DOCK11: variants seen among roughly 807,000 people sequenced by gnomAD.
DOCK11 encodes the protein dedicator of cytokinesis protein 11.
A neutral mutation model predicts 169.1 loss-of-function variants in DOCK11; 70 were observed. That is an observed-to-expected ratio of 0.41 (90% CI 0.34 to 0.51). The LOEUF is 0.51. Among genes scored for constraint, DOCK11 ranks in the 20% least tolerant of loss-of-function variants. The pLI is 0.10. For synonymous variants in DOCK11, 529 were observed against 541.3 expected (o/e 0.98, Z 0.32); for missense variants, 1,166 against 1,538.8 (o/e 0.76, Z 4.05).
At chrX:118,543,436 G>C (rs368848892) in intron 3 of DOCK11, 75 bp from the exon 4 acceptor site, 1 of 856,244 alleles carries the variant, frequency 1.2e-6, no homozygotes. Context: ...TGTCGGCATA[G>C]TACCAGAGTT....
chrX:118,618,625 C>T lies in DOCK11; in HGVS notation c.3368C>T (p.Thr1123Ile). 2.5e-6 allele frequency: 3 copies of T among 1,207,770 alleles called. No individual in the cohort carries two copies. In the South Asian group the frequency reaches 5.3e-5, roughly 21 times the overall value. ...TTGGTTGGTCTACTTCTGAGGGAAA[C>T]TTCCATTGCTCTTCAGGACAATTAT... ...HFLVGLLLRETSIALQDNYEI... is the reference protein window; with the variant it reads ...HFLVGLLLREISIALQDNYEI... The change falls in exon 31 of 53, where the codon ACT (threonine) becomes ATT (isoleucine). Residue 1123 changes from threonine (T) to isoleucine (I), a missense_variant. Transcript: ENST00000276202.
At chrX:118,648,585 ATATAAT>A in intron 40 of DOCK11, among the ~76,000 whole-genome samples, 1 of 75,074 alleles carries the variant, frequency 1.3e-5, no homozygotes. Context: ...ATATATAAAT[ATATAAT>A]ATATATAATA....
In DOCK11 at chrX:118,641,252, G is replaced by A; in HGVS notation, c.4207G>A (p.Glu1403Lys). 1 of 1,210,276 alleles carries A rather than the reference G, an allele frequency of 8.3e-7. No individual in the cohort carries two copies. Among genetic ancestry groups the A allele is most frequent in the Non-Finnish European group, 1.1e-6 (1 of 894,084 alleles). ...QALLEGNTAT[E>K]VSLTVLDTIS... ...ACTTCTTGAAGGCAATACAGCTACTGAAGTTTCCCTAACAGTACTAGACAC... is the reference window on the plus strand; with the variant it reads ...ACTTCTTGAAGGCAATACAGCTACTAAAGTTTCCCTAACAGTACTAGACAC... Residue 1403 changes from glutamate (E) to lysine (K), a missense_variant, in exon 39 of 53, where the codon GAA (glutamate) becomes AAA (lysine). Physicochemically the swap from Glu to Lys is moderately conservative, Grantham distance 56. Transcript: ENST00000276202.
chrX:118,634,645 G>C (rs940388926), intron 35 of DOCK11, among the ~76,000 whole-genome samples: 2 of 112,817 alleles, frequency 1.8e-5, no homozygotes, highest in South Asian at 7.2e-4. Flanking sequence ...GGGACTTCTG[G>C]GGGGGAACCC....
At chrX:118,637,922 G>A (rs761727339) in intron 36 of DOCK11, among the ~76,000 whole-genome samples, 158 bp from the exon 37 acceptor site, 6 of 111,612 alleles carry the variant, frequency 5.4e-5, no homozygotes, top group Non-Finnish European at 1.1e-4. Flanking sequence ...TGGCAAGCCC[G>A]CAATTAATTA....
At chrX:118,514,776 C>T (rs2057672212) in intron 1 of DOCK11, among the ~76,000 whole-genome samples, 2 of 112,618 alleles carry the variant, frequency 1.8e-5, no homozygotes, top group Middle Eastern at 4.6e-3. Flanking sequence ...TAAAGGGAAT[C>T]CTATCTGTCC....
chrX:118,648,096 T>TTATACAATATAATATATAAATTGTAA (rs2015822658), intron 40 of DOCK11, among the ~76,000 whole-genome samples: 1 of 72,468 alleles, frequency 1.4e-5, no homozygotes, highest in African/African-American at 5.5e-5. Flanking sequence ...AATTGTAATA[T>TTATACAATATAATATATAAATTGTAA]TATACAATAT....
chrX:118,607,347 C>T (rs1331714145), intron 24 of DOCK11, among the ~76,000 whole-genome samples: 4 of 106,539 alleles, frequency 3.8e-5, no homozygotes, highest in Admixed American at 1.0e-4. Flanking sequence ...GAACTCCTGA[C>T]CTCATGATCC....
At chrX:118,676,095 CT>C (rs769694379) in intron 47 of DOCK11, 46 bp downstream of exon 47, 302 of 847,691 alleles carry the variant, frequency 3.6e-4, no homozygotes, top group Non-Finnish European at 4.5e-4. Flanking sequence ...AAACATTCAC[CT>C]TTGAATTACT....
intron 6 of DOCK11, among the ~76,000 whole-genome samples, chrX:118,552,495 C>G (rs778915533): frequency 2.4e-4 from 27 of 112,278 alleles, no homozygotes; most frequent in Non-Finnish European, 4.9e-4. Flanking sequence ...AGCTTTCCCC[C>G]TGCTCTGGTC....
Position 118,631,646 on chromosome X carries a change from T to A in DOCK11, c.3886+1156T>A, listed in dbSNP as rs749474663. On this transcript the variant is annotated intron_variant, in intron 35 of 52. Coordinates refer to ENST00000276202, the MANE Select transcript of DOCK11 (RefSeq NM_144658.4). ...GAATCTCTCAGTAAATGTTTTTTTT[T>A]AAAAAGAGGCCCAATCTTTATCTGT... Among the ~76,000 whole-genome samples, 229 of 111,026 alleles carry A rather than the reference T, an allele frequency of 2.1e-3. 1 individual carries two copies. The highest frequency in any genetic ancestry group is 4.6e-3 in the Middle Eastern group (1 of 217).
rs1238569448 is a variant in DOCK11 at position 118,643,607 on chromosome X, G to A, written c.4398+13G>A. On this transcript the variant is annotated intron_variant, in intron 40 of 52. Transcript: ENST00000276202. ...TTTCATCAGTAAGGTAAGGACAGAA[G>A]CTTGGGAGCAGCCGGTGGGCTCTCT... 1 of 1,206,345 alleles carries A rather than the reference G, an allele frequency of 8.3e-7. No individual in the cohort carries two copies. The highest frequency in any genetic ancestry group is 1.8e-5 in the South Asian group (1 of 55,876).
At chrX:118,602,953 A>G (rs1200474156) in intron 23 of DOCK11, among the ~76,000 whole-genome samples, 1 of 112,394 alleles carries the variant, frequency 8.9e-6, no homozygotes, top group Non-Finnish European at 1.9e-5. Flanking sequence ...CAGTTTAGAC[A>G]GCATACCTTT....
At chrX:118,514,705 C>T (rs1394981212) in intron 1 of DOCK11, among the ~76,000 whole-genome samples, 2 of 112,107 alleles carry the variant, frequency 1.8e-5, no homozygotes, top group East Asian at 2.8e-4. Context: ...AGTTTCTCAC[C>T]TACATACCTT....
At position 118,577,013 on chromosome X, in the gene DOCK11, T is replaced by C. The variant is rs780424177; in HGVS notation, c.1390-1512T>C. On this transcript the variant is annotated intron_variant, in intron 12 of 52. Transcript: ENST00000276202. ...CTGAGAGAGAATATAGCATGGGCTG[T>C]GTAATCTGGAAGCCTGAACTGCAAT... is the stretch of plus-strand genomic sequence containing the variant. 3.6e-5 allele frequency among the ~76,000 whole-genome samples: 4 copies of C among 112,618 alleles called. No homozygotes were observed. In the East Asian group the frequency reaches 1.1e-3, roughly 31 times the overall value.
intron 41 of DOCK11, 133 bp downstream of exon 41, chrX:118,649,260 T>C: frequency 2.2e-6 from 1 of 445,194 alleles, no homozygotes; most frequent in Non-Finnish European, 3.6e-6. Context: ...TAGTCTAAAT[T>C]TAGATGTTCT....
chrX:118,561,247 A>T, intron 6 of DOCK11, 136 bp from the exon 7 acceptor site: 1 of 498,705 alleles, frequency 2.0e-6, no homozygotes, highest in Non-Finnish European at 3.1e-6. Flanking sequence ...GATAATTCCT[A>T]ACATCTTGTC....
At chrX:118,568,369 ATTATATAT>A (rs2013145227) in intron 10 of DOCK11, among the ~76,000 whole-genome samples, 1 of 50,330 alleles carries the variant, frequency 2.0e-5, no homozygotes, top group Admixed American at 3.2e-4. Context: ...TTGGGGCTGA[ATTATATAT>A]ATATATATAT....
intron 44 of DOCK11, among the ~76,000 whole-genome samples, chrX:118,660,387 G>T (rs1287304323): frequency 8.9e-6 from 1 of 111,999 alleles, no homozygotes; most frequent in Non-Finnish European, 1.9e-5. Flanking sequence ...GAACTCTCTA[G>T]AGGTCTTGTA....
Sources: allele counts gnomAD v4.1 joint callset (sites outside exome capture counted in the v4.1 genomes callset), GRCh38; gene constraint gnomAD v4.1.1; transcripts MANE v1.5; gene names NCBI Gene and HGNC (gene_info 2026-07-23, HGNC 2026-07-21).